PRKN: variants seen among roughly 807,000 people sequenced by gnomAD.
The protein encoded by PRKN is parkin RBR E3 ubiquitin protein ligase, also known as E3 ubiquitin-protein ligase parkin.
A neutral mutation model predicts 59.5 loss-of-function variants in PRKN; 56 were observed. That is an observed-to-expected ratio of 0.94 (90% CI 0.76 to 1.18). The LOEUF (loss-of-function observed/expected upper bound fraction) is 1.18. PRKN is among the 50% of genes most tolerant of loss of function. The probability of loss-of-function intolerance (pLI) is 0.00; values close to 1 mark genes in which losing one functional copy is unlikely to be tolerated. For missense variants in PRKN, 657 were observed against 596.4 expected, an observed-to-expected ratio of 1.10 and a Z score of -1.06; for synonymous variants, 250 against 222.1, an observed-to-expected ratio of 1.13 and a Z score of -1.12.
At position 161,468,905 on chromosome 6, in the gene PRKN, A is replaced by G. The variant is rs1255720165; in HGVS notation, c.1083+79949T>C. ...CTCAACACCAACCTGGTTAACTGAT[A>G]ATGCTGACTACAACCAAGGCAACTT... is the stretch of plus-strand genomic sequence containing the variant. On this transcript the variant is annotated intron_variant, in intron 9 of 11. Transcript: ENST00000366898. The surrounding 1 kb of genome is among the most constrained non-coding windows in gnomAD (Gnocchi z 5.9). Among the ~76,000 whole-genome samples, 1 of 152,156 alleles carries G rather than the reference A, an allele frequency of 6.6e-6. No homozygotes were observed. Among genetic ancestry groups the G allele is most frequent in the African/African-American group, 2.4e-5 (1 of 41,438 alleles).
chr6:161,930,169 T>C (rs1309542550), intron 6 of PRKN, among the ~76,000 whole-genome samples: 2 of 152,210 alleles, frequency 1.3e-5, no homozygotes, highest in Non-Finnish European at 2.9e-5. Context: ...CAACCTGACA[T>C]CTTGGTGTCT....
intron 1 of PRKN, among the ~76,000 whole-genome samples, chr6:162,573,513 C>G (rs1780436390): frequency 6.6e-6 from 1 of 152,172 alleles, no homozygotes; most frequent in African/African-American, 2.4e-5. Context: ...TCTACTAAGT[C>G]TGTTCTGTTT....
intron 6 of PRKN, among the ~76,000 whole-genome samples, chr6:161,918,877 G>C (rs1778675459): frequency 6.6e-6 from 1 of 152,150 alleles, no homozygotes; most frequent in Non-Finnish European, 1.5e-5. Context: ...TCTAGTGTCG[G>C]TGAGGAAGTA....
intron 6 of PRKN, among the ~76,000 whole-genome samples, chr6:161,801,450 G>A (rs528816299): frequency 2.0e-5 from 3 of 152,188 alleles, no homozygotes; most frequent in African/African-American, 7.2e-5. Flanking sequence ...CCATGGGAGC[G>A]GGTGGGGCCA....
At chr6:161,923,832 T>C (rs1018854435) in intron 6 of PRKN, among the ~76,000 whole-genome samples, 2 of 152,132 alleles carry the variant, frequency 1.3e-5, no homozygotes, top group African/African-American at 4.8e-5. Context: ...GCGAGACCCT[T>C]CAGAACGTGG....
chr6:162,028,402 T>C (rs1206092368), intron 5 of PRKN, among the ~76,000 whole-genome samples: 3 of 152,140 alleles, frequency 2.0e-5, no homozygotes, highest in Admixed American at 6.5e-5. Flanking sequence ...ACGGAGAGGT[T>C]TGGGGCGAGG....
chr6:161,573,853 T>C (rs2128135983), intron 7 of PRKN, among the ~76,000 whole-genome samples: 1 of 140,884 alleles, frequency 7.1e-6, no homozygotes, highest in East Asian at 2.2e-4. Flanking sequence ...ACAAGCGGTC[T>C]TTTATGTCAC....
chr6:161,761,719 G>C (rs1419746819), intron 7 of PRKN, among the ~76,000 whole-genome samples: 1 of 152,186 alleles, frequency 6.6e-6, no homozygotes, highest in Non-Finnish European at 1.5e-5. Flanking sequence ...ACCAACTTCA[G>C]TCCAAGGCTT....
At chr6:161,635,016 C>A (rs902342346) in intron 7 of PRKN, among the ~76,000 whole-genome samples, 1 of 152,038 alleles carries the variant, frequency 6.6e-6, no homozygotes, top group African/African-American at 2.4e-5. Context: ...ACGGTGAGGC[C>A]GATGCTCCTT....
chr6:161,823,380 A>C (rs1002828227), intron 6 of PRKN, among the ~76,000 whole-genome samples: 14 of 152,092 alleles, frequency 9.2e-5, no homozygotes, highest in African/African-American at 3.4e-4. Flanking sequence ...TGCAACTTTC[A>C]CCCAAAGGCA....
At chr6:161,823,909 C>A (rs574355958) in intron 6 of PRKN, among the ~76,000 whole-genome samples, 5 of 152,312 alleles carry the variant, frequency 3.3e-5, no homozygotes, top group Admixed American at 1.3e-4. Context: ...TTGCTTAGGA[C>A]AGGTGCCCCT....
chr6:161,425,848 G>A (rs981826478), intron 9 of PRKN, among the ~76,000 whole-genome samples: 2 of 152,118 alleles, frequency 1.3e-5, no homozygotes, highest in Non-Finnish European at 2.9e-5. Flanking sequence ...ATATTCACAC[G>A]GTGCCCCTGT....
intron 2 of PRKN, among the ~76,000 whole-genome samples, chr6:162,263,804 AT>A (rs753801475): frequency 4.1e-4 from 62 of 152,186 alleles, no homozygotes; most frequent in Non-Finnish European, 8.2e-4. Context: ...AAATACAAAA[AT>A]TAGCTGGGCG....
intron 1 of PRKN, among the ~76,000 whole-genome samples, chr6:162,526,507 G>A (rs1012970514): frequency 2.0e-5 from 3 of 151,638 alleles, no homozygotes; most frequent in African/African-American, 2.4e-5. Flanking sequence ...AAAACTAGCC[G>A]GGCCTGGTGG....
intron 3 of PRKN, among the ~76,000 whole-genome samples, chr6:162,244,410 TAGTTTGGAAACCCA>T (rs1779115236): frequency 6.6e-6 from 1 of 152,112 alleles, no homozygotes; most frequent in African/African-American, 2.4e-5. Context: ...GGGTCTAAGA[TAGTTTGGAAACCCA>T]AGTTCACAAA....
chr6:161,656,389 A>T (rs1386271556), intron 7 of PRKN, among the ~76,000 whole-genome samples: 2 of 151,854 alleles, frequency 1.3e-5, no homozygotes, highest in Non-Finnish European at 2.9e-5. Context: ...ACTGGCTTTG[A>T]TTTTCCACCC....
chr6:162,464,514 T>C (rs553051522), intron 1 of PRKN, among the ~76,000 whole-genome samples: 2 of 152,154 alleles, frequency 1.3e-5, no homozygotes, highest in African/African-American at 4.8e-5. Context: ...TTCTATTTCA[T>C]TAGAAATTTG....
At chr6:161,895,406 G>C (rs549391326) in intron 6 of PRKN, among the ~76,000 whole-genome samples, 1 of 152,328 alleles carries the variant, frequency 6.6e-6, no homozygotes, top group African/African-American at 2.4e-5. Context: ...GTGCTGACAA[G>C]GTGTGCAGGT....
chr6:161,517,777 G>T (rs1334711389), intron 9 of PRKN, among the ~76,000 whole-genome samples: 1 of 144,122 alleles, frequency 6.9e-6, no homozygotes, highest in Non-Finnish European at 1.5e-5. Context: ...AGTTGAGGTG[G>T]TAGTTGCACA....
Sources: allele counts gnomAD v4.1 joint callset (sites outside exome capture counted in the v4.1 genomes callset), GRCh38; gene constraint gnomAD v4.1.1; non-coding constraint Gnocchi (gnomAD v3.1); transcripts MANE v1.5; gene names NCBI Gene and HGNC (gene_info 2026-07-23, HGNC 2026-07-21).